Variants in HLCS observed in about 807,000 individuals in gnomAD.
HLCS encodes the protein holocarboxylase synthetase, also known as biotin--protein ligase.
A neutral mutation model predicts 75.0 loss-of-function variants in HLCS; 53 were observed. That is an observed-to-expected ratio of 0.71 (90% CI 0.57 to 0.89). The LOEUF is 0.89. Ranked by LOEUF, HLCS falls within the 40% of genes least tolerant of loss-of-function variation. HLCS has a pLI of 0.00. For synonymous variants in HLCS, 431 were observed against 428.6 expected, an observed-to-expected ratio of 1.01 and a Z score of -0.07; for missense variants, 966 against 1,074.0, an observed-to-expected ratio of 0.90 and a Z score of 1.41.
chr21:36,869,624 C>T (rs759014801), intron 6 of HLCS, among the ~76,000 whole-genome samples: 9 of 152,144 alleles, frequency 5.9e-5, no homozygotes, highest in African/African-American at 9.7e-5. Flanking sequence ...TCATGATACA[C>T]GGAGAACAAA....
chr21:36,830,794 C>A (rs2062178200), intron 6 of HLCS, among the ~76,000 whole-genome samples: 2 of 140,502 alleles, frequency 1.4e-5, no homozygotes, highest in East Asian at 4.3e-4. Flanking sequence ...TGTACTCCAG[C>A]CTGGGCAACA....
At position 36,765,132 on chromosome 21, in the gene HLCS, A is replaced by G; in HGVS notation, c.2001T>C (p.Ala667=). 1 of 1,614,172 alleles carries G rather than the reference A, an allele frequency of 6.2e-7. No homozygotes were observed. ...GNVWLSPVGC[A]LSTLLISIPL... is the part of the protein sequence containing the mutation. ...GAATGGAGATGAGCAGAGTAGAAAGAGCACATCCCACAGGGCTCAGCCACA... is the reference window on the plus strand; with the variant it reads ...GAATGGAGATGAGCAGAGTAGAAAGGGCACATCCCACAGGGCTCAGCCACA... Residue 667 remains alanine, a synonymous_variant, in exon 8 of 11, where the codon GCT becomes GCC. Coordinates refer to ENST00000674895, the MANE Select transcript of HLCS (RefSeq NM_001352514.2).
intron 2 of HLCS, among the ~76,000 whole-genome samples, chr21:36,961,277 AATGG>A (rs1324130452): frequency 6.6e-6 from 1 of 152,238 alleles, no homozygotes; most frequent in Non-Finnish European, 1.5e-5. Flanking sequence ...AAATTGTAGG[AATGG>A]ATGAGATGAC....
intron 5 of HLCS, among the ~76,000 whole-genome samples, chr21:36,921,850 CT>C (rs1318100270): frequency 6.6e-6 from 1 of 152,106 alleles, no homozygotes; most frequent in Non-Finnish European, 1.5e-5. Flanking sequence ...GTGCATTTCC[CT>C]TTTACCAGAA....
At chr21:36,919,314 A>C (rs2146439468) in intron 5 of HLCS, among the ~76,000 whole-genome samples, 1 of 152,374 alleles carries the variant, frequency 6.6e-6, no homozygotes, top group African/African-American at 2.4e-5. Flanking sequence ...AAAGAAAAAA[A>C]GTTTTCTTAA....
At chr21:36,961,178 G>A (rs1262133634) in intron 2 of HLCS, among the ~76,000 whole-genome samples, 1 of 152,202 alleles carries the variant, frequency 6.6e-6, no homozygotes, top group Non-Finnish European at 1.5e-5. Flanking sequence ...TGTGGCTGAG[G>A]TTGAAGTATT....
chr21:36,858,708 C>T (rs145799082), intron 6 of HLCS, among the ~76,000 whole-genome samples: 1,690 of 152,298 alleles, frequency 0.011, 21 homozygotes, highest in Non-Finnish European at 0.016. Context: ...TGTTGTCAGG[C>T]TGGGAGGGAG....
intron 8 of HLCS, among the ~76,000 whole-genome samples, chr21:36,760,816 C>G (rs984337627): frequency 6.6e-5 from 10 of 152,200 alleles, no homozygotes; most frequent in African/African-American, 2.4e-5. Context: ...TGGACAGTGT[C>G]TCGAACAAGG....
chr21:36,813,150 T>C (rs772516777), intron 6 of HLCS, among the ~76,000 whole-genome samples: 59 of 152,360 alleles, frequency 3.9e-4, no homozygotes, highest in South Asian at 1.7e-3. Flanking sequence ...GTAAACTGCA[T>C]GGATAATTTT....
chr21:36,856,687 GA>G (rs920762769), intron 6 of HLCS, among the ~76,000 whole-genome samples: 1 of 148,880 alleles, frequency 6.7e-6, no homozygotes, highest in Non-Finnish European at 1.5e-5. Context: ...TAGAAGGAAG[GA>G]AAAAAAAATG....
At chr21:36,811,451 A>C (rs763460526) in intron 6 of HLCS, among the ~76,000 whole-genome samples, 6 of 152,202 alleles carry the variant, frequency 3.9e-5, no homozygotes, top group Non-Finnish European at 8.8e-5. Context: ...TGCCTCCAGG[A>C]GGCTACTCTG....
At chr21:36,885,996 A>G (rs185782924) in intron 6 of HLCS, among the ~76,000 whole-genome samples, 33 of 152,314 alleles carry the variant, frequency 2.2e-4, no homozygotes, top group Non-Finnish European at 2.4e-4. Context: ...ATGTAAAATG[A>G]ATGAACCACG....
intron 6 of HLCS, among the ~76,000 whole-genome samples, chr21:36,886,190 G>T (rs558131288): frequency 6.6e-6 from 1 of 152,048 alleles, no homozygotes; most frequent in East Asian, 1.9e-4. Flanking sequence ...CCAGCACTTT[G>T]GGAGGCCGAG....
intron 6 of HLCS, among the ~76,000 whole-genome samples, chr21:36,812,487 A>G (rs1314395389): frequency 6.6e-6 from 1 of 152,180 alleles, no homozygotes; most frequent in Admixed American, 6.5e-5. Flanking sequence ...TATGTCTTAG[A>G]ATGTTAGTTT....
chr21:36,879,413 T>C (rs1035522643), intron 6 of HLCS, among the ~76,000 whole-genome samples: 1 of 152,280 alleles, frequency 6.6e-6, no homozygotes, highest in East Asian at 1.9e-4. Flanking sequence ...ACATGTAGTG[T>C]AGGAGGAAAT....
At chr21:36,756,834 C>G (rs2089623120) in intron 9 of HLCS, 79 bp from the exon 10 acceptor site, 6 of 1,608,290 alleles carry the variant, frequency 3.7e-6, no homozygotes, top group Non-Finnish European at 5.1e-6. Context: ...GAAAAAGTTA[C>G]AGTCTTGACT....
chr21:36,936,883 C>A lies in HLCS; in HGVS notation c.1003G>T (p.Asp335Tyr). The change falls in exon 4 of 11, where the codon GAC (aspartate) becomes TAC (tyrosine). Residue 335 changes from aspartate to tyrosine, a missense_variant. Coordinates refer to ENST00000674895, the MANE Select transcript of HLCS (RefSeq NM_001352514.2). ...RFHEVRSVLA[D>Y]CVDIDSYILY... ...ATATAACTGTCAATGTCCACACAGTCGGCCAGCACAGACCGGACCTCGTGG... is the reference window on the plus strand; with the variant it reads ...ATATAACTGTCAATGTCCACACAGTAGGCCAGCACAGACCGGACCTCGTGG... 1 of 1,614,150 alleles carries A rather than the reference C, an allele frequency of 6.2e-7. No individual in the cohort carries two copies. Among genetic ancestry groups the A allele is most frequent in the Non-Finnish European group, 8.5e-7 (1 of 1,180,040 alleles).
intron 2 of HLCS, among the ~76,000 whole-genome samples, chr21:36,960,170 C>G (rs2068216822): frequency 7.2e-6 from 1 of 138,934 alleles, no homozygotes; most frequent in Non-Finnish European, 1.5e-5. Context: ...CACCCACACA[C>G]CCCTTGCCGC....
chr21:36,824,123 T>C (rs960483742), intron 6 of HLCS, among the ~76,000 whole-genome samples: 1 of 151,930 alleles, frequency 6.6e-6, no homozygotes. Flanking sequence ...CTACTAAAAA[T>C]ACAAAAAAAG....
Sources: gnomAD v4.1 joint callset for allele counts (sites outside exome capture counted in the v4.1 genomes callset) on GRCh38, gnomAD v4.1.1 for gene constraint, MANE v1.5 for transcripts, NCBI Gene and HGNC (gene_info 2026-07-23, HGNC 2026-07-21) for gene names.